The following SATB1 variants were observed in gnomAD, a reference collection of about 807,000 sequenced individuals.
The protein encoded by SATB1 is DNA-binding protein SATB1.
SATB1 carries 11 observed loss-of-function variants against 86.9 expected under a neutral mutation model. That is an observed-to-expected ratio of 0.13 (90% CI 0.08 to 0.21). The LOEUF (loss-of-function observed/expected upper bound fraction) is 0.21, where lower values mean the gene tolerates loss of function less well. Among genes scored for constraint, SATB1 ranks in the 10% least tolerant of loss-of-function variants. The pLI is 1.00. For synonymous variants in SATB1, 357 were observed against 357.2 expected (o/e 1.00, Z 0.01); for missense variants, 551 against 937.6 (o/e 0.59, Z 5.39).
intron 5 of SATB1, among the ~76,000 whole-genome samples, chr3:18,404,166 A>C (rs1431789787): frequency 1.3e-5 from 2 of 152,072 alleles, no homozygotes; most frequent in South Asian, 4.1e-4. Context: ...CCCATCTGGT[A>C]TTTTGGGGTG....
At chr3:18,364,214 A>C (rs1467766457) in intron 9 of SATB1, among the ~76,000 whole-genome samples, 1 of 152,174 alleles carries the variant, frequency 6.6e-6, no homozygotes, top group Non-Finnish European at 1.5e-5. Context: ...GGTAAAGCCC[A>C]TGGATGCCTT....
In SATB1 at chr3:18,348,234, T is replaced by C. The variant is rs1185124271; in HGVS notation, c.*936A>G. ...ATCTATTAGTTTTATTTACCTAAGC[T>C]TATTTGCATGATAGTAAAAATTGCA... On this transcript the variant is annotated 3_prime_UTR_variant, in exon 11 of 11. Coordinates refer to ENST00000338745, the MANE Select transcript of SATB1 (RefSeq NM_002971.6). The C allele has an allele frequency of 6.6e-6, 1 of 152,650 alleles. No homozygotes were observed. 9.5% of individuals were successfully genotyped at this position (152,650 alleles called of 1,614,324 possible).
rs375794789 is a variant in SATB1, at chr3:18,397,304, G to A, written c.640-14C>T. On this transcript the variant is annotated splice_polypyrimidine_tract_variant and intron_variant, in intron 5 of 10. Coordinates refer to ENST00000338745, the MANE Select transcript of SATB1 (RefSeq NM_002971.6). ...AGAAATCATACTCTGCATGAAGAAGGGGGGAGAATATTTGTAATACACAGC... is the reference window on the plus strand; with the variant it reads ...AGAAATCATACTCTGCATGAAGAAGAGGGGAGAATATTTGTAATACACAGC... The A allele has an allele frequency of 7.2e-7, 1 of 1,395,200 alleles. No individual in the cohort carries two copies. Among genetic ancestry groups the A allele is most frequent in the African/African-American group, 1.4e-5 (1 of 70,830 alleles). The allele number at this position is 1,395,200 out of a possible 1,614,324, so 86.4% of individuals were successfully genotyped here.
Position 18,351,453 on chromosome 3 carries a change from C to T in SATB1, c.1779+539G>A, listed in dbSNP as rs537648203. ...AGATGACTCACCCCTAACCTACATT[C>T]TGTAAAGTGTGGGGAGACAGCTATT... On this transcript the variant is annotated intron_variant, in intron 10 of 10. Transcript: ENST00000338745. 6.3e-6 allele frequency: 9 copies of T among 1,422,690 alleles called. No individual in the cohort carries two copies. The African/African-American group carries it at 9.9e-5, about 16-fold the overall frequency. The allele number at this position is 1,422,690 out of a possible 1,614,324, so 88.1% of individuals were successfully genotyped here. A position where few individuals can be genotyped will look rare whatever the true frequency, so the allele number is the denominator to read the frequency against.
chr3:18,378,486 T>C (rs532381440), intron 8 of SATB1, among the ~76,000 whole-genome samples, 161 bp from the exon 9 acceptor site: 3 of 152,310 alleles, frequency 2.0e-5, no homozygotes, highest in African/African-American at 7.2e-5. Flanking sequence ...ATCAGATTGC[T>C]TAAGTTAAGG....
chr3:18,390,580 T>C (rs1225240915), intron 7 of SATB1, among the ~76,000 whole-genome samples: 2 of 152,200 alleles, frequency 1.3e-5, no homozygotes, highest in South Asian at 2.1e-4. Context: ...TGAAGAATTA[T>C]AGAAACACAG....
rs868801646 is a variant in SATB1, at chr3:18,397,431, T to G, written c.640-141A>C. On this transcript the variant is annotated intron_variant, in intron 5 of 10. Coordinates refer to ENST00000338745, the MANE Select transcript of SATB1 (RefSeq NM_002971.6). The stretch of plus-strand genomic sequence containing the variant: ...TGGTTTCACACTTTAGCCTAAAGCT[T>G]CGACTTCTTAATATTCATTAAGTAG... 6.7e-6 allele frequency: 4 copies of G among 592,706 alleles called. No individual in the cohort carries two copies. In the Admixed American group the frequency reaches 1.2e-4, roughly 17 times the overall value. The allele number at this position is 592,706 out of a possible 1,614,324, so 36.7% of individuals were successfully genotyped here.
At chr3:18,430,201 G>A (rs1314561822), upstream of SATB1, among the ~76,000 whole-genome samples, 4 of 152,082 alleles carry the variant, frequency 2.6e-5, no homozygotes, top group African/African-American at 7.2e-5. Flanking sequence ...GCTTACCCTA[G>A]AGAACTCCTT....
At chr3:18,382,250 A>C (rs1367747153) in intron 8 of SATB1, among the ~76,000 whole-genome samples, 2 of 152,184 alleles carry the variant, frequency 1.3e-5, no homozygotes, top group Non-Finnish European at 2.9e-5. Flanking sequence ...AGGTAATTAC[A>C]TAAAGAGATG....
At chr3:18,400,195 G>T (rs1413287565) in intron 5 of SATB1, among the ~76,000 whole-genome samples, 1 of 152,170 alleles carries the variant, frequency 6.6e-6, no homozygotes, top group African/African-American at 2.4e-5. Context: ...CAAGTTCCAT[G>T]TTAGAAAGGC....
intron 9 of SATB1, among the ~76,000 whole-genome samples, chr3:18,376,139 C>T (rs1695737492): frequency 6.6e-6 from 1 of 152,028 alleles, no homozygotes; most frequent in South Asian, 2.1e-4. Context: ...TAGCCAGTTG[C>T]TGCTACTATC....
At chr3:18,378,441 C>A in intron 8 of SATB1, 116 bp from the exon 9 acceptor site, 1 of 962,018 alleles carries the variant, frequency 1.0e-6, no homozygotes. Context: ...AGGTGATCAA[C>A]AGTGCAGTCA....
At chr3:18,426,062 G>A (rs1257283938), upstream of SATB1, among the ~76,000 whole-genome samples, 3 of 152,156 alleles carry the variant, frequency 2.0e-5, no homozygotes, top group African/African-American at 4.8e-5. This position sits in a 1 kb window ranked among gnomAD's most constrained non-coding sequence, Gnocchi z 4.2. Flanking sequence ...GAGGTAGGGA[G>A]CCATCAGGAA....
intron 3 of SATB1, 141 bp downstream of exon 3, chr3:18,416,761 A>G (rs1698132457): frequency 7.3e-6 from 6 of 817,856 alleles, no homozygotes; most frequent in South Asian, 6.9e-5. Flanking sequence ...GAATTAAGCC[A>G]ATTTTTTAAA....
chr3:18,347,316 G>A lies in SATB1; in HGVS notation c.*1854C>T, dbSNP rs1419234156. ...ACTGTAATGCTGGCCTCAATCCTGT[G>A]ACCATTAGCACACCTCATTTTATAT... On this transcript the variant is annotated 3_prime_UTR_variant, in exon 11 of 11. Coordinates refer to ENST00000338745, the MANE Select transcript of SATB1 (RefSeq NM_002971.6). 6.6e-6 allele frequency: 1 copy of A among 152,098 alleles called. No homozygotes were observed. The highest frequency in any genetic ancestry group is 1.5e-5 in the Non-Finnish European group (1 of 68,006). 9.4% of individuals were successfully genotyped at this position (152,098 alleles called of 1,614,324 possible). A position where few individuals can be genotyped will look rare whatever the true frequency, so the allele number is the denominator to read the frequency against.
At chr3:18,434,400 A>ATAT (rs534922949) in intron 2 of SATB1, among the ~76,000 whole-genome samples, 8 of 151,762 alleles carry the variant, frequency 5.3e-5, no homozygotes, top group Admixed American at 3.9e-4. Context: ...TATATATATA[A>ATAT]AATATACACA....
chr3:18,404,899 C>G (rs555802384), intron 5 of SATB1, among the ~76,000 whole-genome samples: 6 of 151,962 alleles, frequency 3.9e-5, no homozygotes, highest in Non-Finnish European at 7.4e-5. Flanking sequence ...CACACAGAAG[C>G]TGTAACATGA....
intron 9 of SATB1, among the ~76,000 whole-genome samples, chr3:18,371,826 T>C (rs1695492544): frequency 6.6e-6 from 1 of 152,182 alleles, no homozygotes; most frequent in South Asian, 2.1e-4. Flanking sequence ...TCTTCTAACT[T>C]GGTAGATTGT....
intron 5 of SATB1, among the ~76,000 whole-genome samples, chr3:18,410,091 T>G (rs1344086359): frequency 6.6e-6 from 1 of 151,982 alleles, no homozygotes; most frequent in Non-Finnish European, 1.5e-5. Flanking sequence ...ATCCCAAAAG[T>G]CAGTTCCTGT....
Sources: allele counts gnomAD v4.1 joint callset (sites outside exome capture counted in the v4.1 genomes callset), GRCh38; gene constraint gnomAD v4.1.1; non-coding constraint Gnocchi (gnomAD v3.1); transcripts MANE v1.5; gene names NCBI Gene and HGNC (gene_info 2026-07-23, HGNC 2026-07-21).